Variants in SH3RF1 observed in about 807,000 individuals in gnomAD.
SH3RF1 encodes the protein SH3 domain containing ring finger 1.
Under a neutral mutation model 74.0 loss-of-function variants are expected in SH3RF1, and 32 were observed. The observed-to-expected ratio is 0.43, with a 90% CI of 0.33 to 0.58. SH3RF1 has a LOEUF of 0.58. Ranked by LOEUF, SH3RF1 falls within the 20% of genes least tolerant of loss-of-function variation. The probability of loss-of-function intolerance (pLI) is 0.05; values close to 1 mark genes in which losing one functional copy is unlikely to be tolerated. For missense variants in SH3RF1, 954 were observed against 1,130.9 expected (o/e 0.84, Z 2.24); for synonymous variants, 396 against 439.6 (o/e 0.90, Z 1.24).
At chr4:169,223,150 A>G (rs1342699539) in intron 2 of SH3RF1, among the ~76,000 whole-genome samples, 1 of 152,200 alleles carries the variant, frequency 6.6e-6, no homozygotes, top group East Asian at 1.9e-4. Context: ...GATATAAAAG[A>G]ACATCTATTC....
chr4:169,206,508 A>T (rs567138582), intron 2 of SH3RF1, among the ~76,000 whole-genome samples: 1 of 152,382 alleles, frequency 6.6e-6, no homozygotes, highest in East Asian at 1.9e-4. Context: ...CTCCGTCTCC[A>T]TAAAAAATTT....
At position 169,178,465 on chromosome 4, in the gene SH3RF1, A is replaced by C. The variant is rs543290951; in HGVS notation, c.394-21786T>G. Among the ~76,000 whole-genome samples the C allele has an allele frequency of 2.6e-5, 4 of 152,192 alleles. No homozygotes were observed. The South Asian group carries it at 8.3e-4, about 32-fold the overall frequency. On this transcript the variant is annotated intron_variant, in intron 2 of 11. Transcript: ENST00000284637. ...TCCTCACATCAGGACGAGGAAGTAC[A>C]TTCAATGCCCAAAAGTCACACAGCT...
At chr4:169,209,225 G>A (rs1342332707) in intron 2 of SH3RF1, among the ~76,000 whole-genome samples, 1 of 151,642 alleles carries the variant, frequency 6.6e-6, no homozygotes, top group Admixed American at 6.6e-5. Context: ...GGAGGCGGAG[G>A]TTGCAGTGAG....
At chr4:169,157,100 G>A (rs1263931212) in intron 2 of SH3RF1, among the ~76,000 whole-genome samples, 1 of 152,178 alleles carries the variant, frequency 6.6e-6, no homozygotes, top group Non-Finnish European at 1.5e-5. Flanking sequence ...ATACTGAGGG[G>A]AAAAATTTAA....
Position 169,117,644 on chromosome 4 carries a change from G to A in SH3RF1, c.1656C>T (p.Pro552=), listed in dbSNP as rs2126943911. The change falls in exon 9 of 12, where the codon CCC becomes CCT. Residue 552 remains proline (P), a synonymous_variant. Coordinates refer to ENST00000284637, the MANE Select transcript of SH3RF1 (RefSeq NM_020870.4). ...ATACCACAGCTGCGGGGACAACACTGGGACTCCCAGCCACGCCATTTCCCT... is the reference window on the plus strand; with the variant it reads ...ATACCACAGCTGCGGGGACAACACTAGGACTCCCAGCCACGCCATTTCCCT... The part of the protein sequence containing the change: ...KLQGNGVAGS[P]SVVPAAVVSA... 6.2e-7 allele frequency: 1 copy of A among 1,614,176 alleles called. No individual in the cohort carries two copies. Among genetic ancestry groups the A allele is most frequent in the South Asian group, 1.1e-5 (1 of 91,086 alleles).
chr4:169,203,705 A>C (rs1734948008), intron 2 of SH3RF1, among the ~76,000 whole-genome samples: 1 of 152,226 alleles, frequency 6.6e-6, no homozygotes, highest in Admixed American at 6.5e-5. Context: ...ACTTATACCT[A>C]GAACAGTATC....
chr4:169,202,709 AAGAAAAGTGG>A (rs1734931095), intron 2 of SH3RF1, among the ~76,000 whole-genome samples: 1 of 152,200 alleles, frequency 6.6e-6, no homozygotes, highest in Non-Finnish European at 1.5e-5. Context: ...TAGCAACTTC[AAGAAAAGTGG>A]AGAAATAGCT....
At chr4:169,253,195 G>C (rs974929449) in intron 2 of SH3RF1, among the ~76,000 whole-genome samples, 2 of 152,184 alleles carry the variant, frequency 1.3e-5, no homozygotes, top group Non-Finnish European at 2.9e-5. Flanking sequence ...AGAAACCACA[G>C]CGTGGCACAT....
chr4:169,113,972 T>C (rs928220490), intron 10 of SH3RF1, among the ~76,000 whole-genome samples: 13 of 152,220 alleles, frequency 8.5e-5, no homozygotes, highest in African/African-American at 2.4e-4. Context: ...GGTTGGAAGG[T>C]TGAGTTGAGT....
intron 10 of SH3RF1, among the ~76,000 whole-genome samples, chr4:169,108,704 T>C (rs1335844298): frequency 6.6e-6 from 1 of 152,244 alleles, no homozygotes; most frequent in African/African-American, 2.4e-5. Flanking sequence ...TTCGCTTCAC[T>C]CATTCAATGC....
intron 4 of SH3RF1, among the ~76,000 whole-genome samples, chr4:169,152,278 C>CCTTA (rs745460069): frequency 6.6e-6 from 1 of 152,006 alleles, no homozygotes; most frequent in Non-Finnish European, 1.5e-5. Flanking sequence ...GCAAGAGAAC[C>CCTTA]CTTACCCTTA....
intron 10 of SH3RF1, among the ~76,000 whole-genome samples, chr4:169,112,763 A>C (rs972163908): frequency 1.3e-5 from 2 of 152,228 alleles, no homozygotes; most frequent in Non-Finnish European, 2.9e-5. Flanking sequence ...ACTTGCAAAA[A>C]TGCTAAAGAC....
At chr4:169,257,383 C>T (rs923979603) in intron 2 of SH3RF1, among the ~76,000 whole-genome samples, 1 of 152,158 alleles carries the variant, frequency 6.6e-6, no homozygotes, top group African/African-American at 2.4e-5. Flanking sequence ...TGGCCCTGTT[C>T]GCCTCAGACA....
At chr4:169,228,948 G>A (rs2706724) in intron 2 of SH3RF1, among the ~76,000 whole-genome samples, 71,340 of 149,548 alleles carry the variant, frequency 0.48, 18,052 homozygotes, top group East Asian at 0.78. Context: ...TCTGTTCTTC[G>A]AAAAACAAAC....
intron 10 of SH3RF1, among the ~76,000 whole-genome samples, chr4:169,112,392 C>T (rs1447290094): frequency 6.6e-6 from 1 of 152,054 alleles, no homozygotes; most frequent in African/African-American, 2.4e-5. Flanking sequence ...ATATTGAGAA[C>T]TTGGAATAAA....
At chr4:169,270,073 G>A (rs1348175539) in intron 1 of SH3RF1, 2 of 152,262 alleles carry the variant, frequency 1.3e-5, no homozygotes, top group African/African-American at 4.8e-5. Context: ...TGAAAATGAG[G>A]CCATTCAGGA....
At chr4:169,185,421 G>T (rs933224705) in intron 2 of SH3RF1, among the ~76,000 whole-genome samples, 4 of 152,072 alleles carry the variant, frequency 2.6e-5, no homozygotes, top group African/African-American at 9.7e-5. Context: ...CTCTTTAGCT[G>T]CCCAGAAAAA....
intron 2 of SH3RF1, among the ~76,000 whole-genome samples, chr4:169,239,273 C>T (rs1239209444): frequency 3.3e-5 from 5 of 151,976 alleles, no homozygotes; most frequent in African/African-American, 1.2e-4. Flanking sequence ...GTAACCATTG[C>T]ATATCTCTAT....
chr4:169,155,010 G>A lies in SH3RF1; in HGVS notation c.765+470C>T, dbSNP rs181157395. Among the ~76,000 whole-genome samples the A allele has an allele frequency of 6.6e-5, 10 of 152,332 alleles. No homozygotes were observed. In the East Asian group the frequency reaches 1.3e-3, roughly 21 times the overall value. On this transcript the variant is annotated intron_variant, in intron 4 of 11. Coordinates refer to ENST00000284637, the MANE Select transcript of SH3RF1 (RefSeq NM_020870.4). The stretch of plus-strand genomic sequence containing the variant: ...GCTAAGTAGTTGCTGGGATGGGATG[G>A]AGGAAGATTCATTGACTTATTTAAC...
Sources: gnomAD v4.1 joint callset for allele counts (sites outside exome capture counted in the v4.1 genomes callset) on GRCh38, gnomAD v4.1.1 for gene constraint, MANE v1.5 for transcripts, NCBI Gene and HGNC (gene_info 2026-07-23, HGNC 2026-07-21) for gene names.